The following DGUOK variants were observed in gnomAD, a reference collection of about 807,000 sequenced individuals.
The protein encoded by DGUOK is deoxyguanosine kinase.
In DGUOK, 30 loss-of-function variants were observed where a neutral mutation model predicts 36.6. That is an observed-to-expected ratio of 0.82 (90% CI 0.61 to 1.11). The LOEUF is 1.11. Among genes scored for constraint, DGUOK ranks in the 50% most tolerant of loss-of-function variants. DGUOK has a pLI of 0.00. For synonymous variants in DGUOK, 145 were observed against 126.3 expected (o/e 1.15, Z -0.99); for missense variants, 361 against 336.4 (o/e 1.07, Z -0.57).
chr2:73,935,079 T>TAAA (rs1163984075), intron 1 of DGUOK, among the ~76,000 whole-genome samples: 1 of 105,228 alleles, frequency 9.5e-6, no homozygotes, highest in Non-Finnish European at 2.2e-5. Flanking sequence ...GTCTCAAAAA[T>TAAA]AAATAAATAA....
At position 73,940,386 on chromosome 2, in the gene DGUOK, C is replaced by T. The variant is rs149455316; in HGVS notation, c.255+1364C>T. Among the ~76,000 whole-genome samples, 56 of 152,290 alleles carry T rather than the reference C, an allele frequency of 3.7e-4. 1 individual carries two copies. The East Asian group carries it at 0.01, about 28-fold the overall frequency. On this transcript the variant is annotated intron_variant, in intron 2 of 6. Coordinates refer to ENST00000264093, the MANE Select transcript of DGUOK (RefSeq NM_080916.3). ...CTAAGTGGGACAGAGTATCATGGAACTTGTTCTGGGTGCCATTTTTTTTTA... is the reference window on the plus strand; with the variant it reads ...CTAAGTGGGACAGAGTATCATGGAATTTGTTCTGGGTGCCATTTTTTTTTA...
chr2:73,928,718 G>A (rs1241133710), intron 1 of DGUOK, among the ~76,000 whole-genome samples: 1 of 152,208 alleles, frequency 6.6e-6, no homozygotes, highest in Non-Finnish European at 1.5e-5. Flanking sequence ...ACCGAGATGG[G>A]TAGCCATTGG....
At position 73,927,117 on chromosome 2, in the gene DGUOK, G is replaced by A. The variant is rs895493108; in HGVS notation, c.142+65G>A. 6.3e-6 allele frequency: 10 copies of A among 1,597,374 alleles called. No individual in the cohort carries two copies. The Admixed American group carries it at 1.0e-4, about 16-fold the overall frequency. ...CACGCAGGCGACAGAGGCTGGGAAAGGAGCTGGGCCCGGAATGGCCTGCGT... is the reference window on the plus strand; with the variant it reads ...CACGCAGGCGACAGAGGCTGGGAAAAGAGCTGGGCCCGGAATGGCCTGCGT... On this transcript the variant is annotated intron_variant, in intron 1 of 6. Transcript: ENST00000264093.
intron 2 of DGUOK, among the ~76,000 whole-genome samples, chr2:73,942,970 C>G (rs565598686): frequency 1.3e-5 from 2 of 152,068 alleles, no homozygotes; most frequent in African/African-American, 4.8e-5. Context: ...TTTTTAATCT[C>G]TTAGTATTAG....
In DGUOK at chr2:73,958,814, C is replaced by T. The variant is rs1558672057; in HGVS notation, c.*78C>T. 3 of 1,214,924 alleles carry T rather than the reference C, an allele frequency of 2.5e-6. No individual in the cohort carries two copies. In the South Asian group the frequency reaches 3.6e-5, roughly 15 times the overall value. 75.3% of individuals were successfully genotyped at this position (1,214,924 alleles called of 1,614,324 possible). Reference sequence around the variant, plus strand: ...AGAAAAATGTTGTGTCTCCCAACCACCTTTCCATCCCCAGCCCCTCTCATC... The same window carrying T: ...AGAAAAATGTTGTGTCTCCCAACCATCTTTCCATCCCCAGCCCCTCTCATC... On this transcript the variant is annotated 3_prime_UTR_variant, in exon 7 of 7. Coordinates refer to ENST00000264093, the MANE Select transcript of DGUOK (RefSeq NM_080916.3).
intron 1 of DGUOK, among the ~76,000 whole-genome samples, chr2:73,938,036 T>C (rs1681599907): frequency 6.6e-6 from 1 of 152,192 alleles, no homozygotes; most frequent in South Asian, 2.1e-4. Flanking sequence ...TTCAGTCTTC[T>C]TACCATAACT....
chr2:73,943,237 A>G (rs958831234), intron 2 of DGUOK, among the ~76,000 whole-genome samples: 10 of 151,966 alleles, frequency 6.6e-5, no homozygotes, highest in Non-Finnish European at 1.3e-4. Flanking sequence ...TGCAGCCTTG[A>G]AGTCCTGGAC....
rs765866127 is a variant in DGUOK, at chr2:73,957,170, G to A, written c.637G>A (p.Gly213Arg). Residue 213 changes from glycine (G) to arginine (R), a missense_variant, in exon 5 of 7, where the codon GGA becomes AGA. Coordinates refer to ENST00000264093, the MANE Select transcript of DGUOK (RefSeq NM_080916.3). ...CCAGAGGGCCAGGGAGGAGGAGAAA[G>A]GAATTGAGCTGGCCTATCTAGAGCA... is the stretch of plus-strand genomic sequence containing the variant. The part of the protein sequence containing the change: ...LYQRAREEEK[G>R]IELAYLEQLH... The A allele has an allele frequency of 6.2e-7, 1 of 1,614,182 alleles. No homozygotes were observed. Among genetic ancestry groups the A allele is most frequent in the Non-Finnish European group, 8.5e-7 (1 of 1,180,026 alleles).
At position 73,946,799 on chromosome 2, in the gene DGUOK, A is replaced by G; in HGVS notation, c.336A>G (p.Thr112=). The G allele has an allele frequency of 3.1e-6, 5 of 1,613,986 alleles. No homozygotes were observed. The highest frequency in any genetic ancestry group is 4.2e-6 in the Non-Finnish European group (5 of 1,180,006). Residue 112 remains threonine (T), a synonymous_variant, in exon 3 of 7, where the codon ACA becomes ACG. Transcript: ENST00000264093. ...EPARWSYTFQ[T]FSFLSRLKVQ... The stretch of plus-strand genomic sequence containing the variant: ...CACGATGGTCCTACACATTCCAGAC[A>G]TTTTCCTTTTTGAGCCGCCTGAAAG...
At chr2:73,943,468 T>C (rs1184574799) in intron 2 of DGUOK, among the ~76,000 whole-genome samples, 18 of 151,972 alleles carry the variant, frequency 1.2e-4, no homozygotes, top group Non-Finnish European at 8.8e-5. Context: ...GGCCCATGTG[T>C]AGTTTGTGAC....
chr2:73,933,787 TCA>T (rs776592653), intron 1 of DGUOK, among the ~76,000 whole-genome samples: 2 of 152,224 alleles, frequency 1.3e-5, no homozygotes, highest in African/African-American at 2.4e-5. Context: ...GGGCAAGCTC[TCA>T]GCCTAGATCA....
intron 1 of DGUOK, among the ~76,000 whole-genome samples, chr2:73,930,118 C>T (rs1351414312): frequency 1.3e-5 from 2 of 152,004 alleles, no homozygotes; most frequent in African/African-American, 2.4e-5. Context: ...TAGTAACAGG[C>T]GTGATGGCAA....
intron 3 of DGUOK, 159 bp downstream of exon 3, chr2:73,947,065 C>G: frequency 1.3e-6 from 1 of 750,146 alleles, no homozygotes; most frequent in Non-Finnish European, 2.3e-6. Context: ...CAGAGTTGTA[C>G]TTCTACCAGA....
chr2:73,932,323 G>A (rs1032539911), intron 1 of DGUOK, among the ~76,000 whole-genome samples: 2 of 152,144 alleles, frequency 1.3e-5, no homozygotes, highest in Non-Finnish European at 2.9e-5. Context: ...TCTGTGGGCT[G>A]ACATAACATT....
intron 4 of DGUOK, among the ~76,000 whole-genome samples, chr2:73,951,088 G>A (rs1271482508): frequency 6.6e-6 from 1 of 152,158 alleles, no homozygotes; most frequent in Non-Finnish European, 1.5e-5. Flanking sequence ...ATCAGAGTGT[G>A]TAGTCTCAGT....
At chr2:73,951,270 G>A (rs115161783) in intron 4 of DGUOK, among the ~76,000 whole-genome samples, 1 of 152,256 alleles carries the variant, frequency 6.6e-6, no homozygotes, top group African/African-American at 2.4e-5. Flanking sequence ...GAAGTAGGAT[G>A]ATGTCACGGC....
In DGUOK at chr2:73,933,605, T is replaced by C. The variant is rs1382519005; in HGVS notation, c.143-5305T>C. On this transcript the variant is annotated intron_variant, in intron 1 of 6. Coordinates refer to ENST00000264093, the MANE Select transcript of DGUOK (RefSeq NM_080916.3). ...CATAGGAAGGTGTGAGAAAATTTTT[T>C]GCCTTTTTTTTTTCGTAAACAGTTT... Among the ~76,000 whole-genome samples, 3 of 151,480 alleles carry C rather than the reference T, an allele frequency of 2.0e-5. 1 individual carries two copies. Among genetic ancestry groups the C allele is most frequent in the Admixed American group, 2.0e-4 (3 of 15,206 alleles).
chr2:73,939,855 T>C (rs1681769034), intron 2 of DGUOK, among the ~76,000 whole-genome samples: 1 of 152,040 alleles, frequency 6.6e-6, no homozygotes. Context: ...CAACCCTATA[T>C]ATAGTTGAAG....
intron 1 of DGUOK, among the ~76,000 whole-genome samples, chr2:73,929,103 TC>T (rs2104855104): frequency 6.6e-6 from 1 of 152,252 alleles, no homozygotes; most frequent in East Asian, 1.9e-4. Context: ...CTCTCCTTCT[TC>T]CTCCCCTCCC....
Sources: gnomAD v4.1 joint callset for allele counts (sites outside exome capture counted in the v4.1 genomes callset) on GRCh38, gnomAD v4.1.1 for gene constraint, MANE v1.5 for transcripts, NCBI Gene and HGNC (gene_info 2026-07-23, HGNC 2026-07-21) for gene names.